The following CDH1 variants were observed in gnomAD, a reference collection of about 807,000 sequenced individuals.
CDH1 encodes the protein cadherin 1, also known as cadherin-1.
A neutral mutation model predicts 84.5 loss-of-function variants in CDH1; 35 were observed. The observed-to-expected ratio is 0.41, with a 90% CI of 0.32 to 0.55. The LOEUF is 0.55. Among genes scored for constraint, CDH1 ranks in the 20% least tolerant of loss-of-function variants. The probability of loss-of-function intolerance (pLI) is 0.19; values close to 1 mark genes in which losing one functional copy is unlikely to be tolerated. For missense variants in CDH1, 994 were observed against 1,126.6 expected (o/e 0.88, Z 1.68); for synonymous variants, 417 against 439.0 (o/e 0.95, Z 0.63).
intron 12 of CDH1, chr16:68,823,170 C>G (rs1596965160): frequency 3.8e-6 from 2 of 520,268 alleles, no homozygotes; most frequent in East Asian, 6.9e-5. Context: ...CACTAGGCAG[C>G]TTTTTTAAAC....
rs762005138 is a variant in CDH1, at chr16:68,819,432, G to T, written c.1711+7G>T. ...ATCATAGCTACAGACAATGGTAAGGGGGCCTCATCTGAGCCTTTGCTGCCT... is the reference window on the plus strand; with the variant it reads ...ATCATAGCTACAGACAATGGTAAGGTGGCCTCATCTGAGCCTTTGCTGCCT... On this transcript the variant is annotated splice_region_variant and intron_variant, in intron 11 of 15. Transcript: ENST00000261769. The T allele has an allele frequency of 1.9e-6, 3 of 1,613,060 alleles. No homozygotes were observed. The Admixed American group carries it at 5.0e-5, about 27-fold the overall frequency.
chr16:68,754,755 G>C lies in CDH1; in HGVS notation c.163+16344G>C, dbSNP rs571675278. On this transcript the variant is annotated intron_variant, in intron 2 of 15. Coordinates refer to ENST00000261769, the MANE Select transcript of CDH1 (RefSeq NM_004360.5). ...TGAATTTGTGCTGAGCACCTGCCAA[G>C]CCCTCTGCTAGGCATTGGGGATGCA... is the stretch of plus-strand genomic sequence containing the variant. Among the ~76,000 whole-genome samples, 5 of 152,310 alleles carry C rather than the reference G, an allele frequency of 3.3e-5. No individual in the cohort carries two copies. The South Asian group carries it at 1.0e-3, about 32-fold the overall frequency.
intron 2 of CDH1, among the ~76,000 whole-genome samples, chr16:68,780,962 GT>G (rs986841021): frequency 6.6e-6 from 1 of 152,210 alleles, no homozygotes; most frequent in African/African-American, 2.4e-5. Context: ...CGGCTACTGT[GT>G]AGAGAAGACG....
At chr16:68,789,564 G>A (rs1960155537) in intron 2 of CDH1, among the ~76,000 whole-genome samples, 1 of 150,716 alleles carries the variant, frequency 6.6e-6, no homozygotes, top group Non-Finnish European at 1.5e-5. Context: ...AATCCACATA[G>A]CATATATTAC....
At chr16:68,754,116 CAA>C (rs34969874) in intron 2 of CDH1, among the ~76,000 whole-genome samples, 243 of 121,874 alleles carry the variant, frequency 2.0e-3, no homozygotes, top group East Asian at 1.8e-3. Flanking sequence ...GATTCTGTCT[CAA>C]AAAAAAAAAA....
At chr16:68,773,995 C>T (rs189351124) in intron 2 of CDH1, among the ~76,000 whole-genome samples, 3 of 152,330 alleles carry the variant, frequency 2.0e-5, no homozygotes, top group Admixed American at 2.0e-4. Context: ...TAGCTCACTG[C>T]AGCTCAACTT....
At position 68,823,579 on chromosome 16, in the gene CDH1, A is replaced by G. The variant is rs587781401; in HGVS notation, c.2117A>G (p.Gln706Arg). Residue 706 changes from glutamine to arginine, a missense_variant, in exon 13 of 16, where the codon CAA (glutamine) becomes CGA (arginine). By Grantham distance (43) the Gln-to-Arg change is conservative. Around this residue, in one of 3 missense-constraint regions of CDH1, gnomAD observed 769 missense variants for 881.8 expected, o/e 0.87. Coordinates refer to ENST00000261769, the MANE Select transcript of CDH1 (RefSeq NM_004360.5). ...RKAQPVEAGL[Q>R]IPAILGILGG... ...GCACAGCCTGTCGAAGCAGGATTGCAAATTCCTGCCATTCTGGGGATTCTT... is the reference window on the plus strand; with the variant it reads ...GCACAGCCTGTCGAAGCAGGATTGCGAATTCCTGCCATTCTGGGGATTCTT... 5.6e-6 allele frequency: 9 copies of G among 1,613,816 alleles called. No homozygotes were observed. Among genetic ancestry groups the G allele is most frequent in the Non-Finnish European group, 7.6e-6 (9 of 1,179,986 alleles).
At chr16:68,753,873 T>C (rs1962949716) in intron 2 of CDH1, among the ~76,000 whole-genome samples, 1 of 149,368 alleles carries the variant, frequency 6.7e-6, no homozygotes, top group African/African-American at 2.5e-5. Flanking sequence ...TCCCAGTACT[T>C]TGGGAGGCTG....
intron 2 of CDH1, among the ~76,000 whole-genome samples, chr16:68,760,668 G>A (rs1368074748): frequency 6.6e-6 from 1 of 152,170 alleles, no homozygotes; most frequent in East Asian, 1.9e-4. Flanking sequence ...AGTGCCTTCT[G>A]TGTGCTCTGT....
intron 3 of CDH1, among the ~76,000 whole-genome samples, chr16:68,802,298 T>C (rs1960538193): frequency 6.6e-6 from 1 of 152,208 alleles, no homozygotes; most frequent in Admixed American, 6.5e-5. Context: ...TTGGAGGAAT[T>C]ACGTCACCTG....
At chr16:68,776,627 T>G (rs1959740350) in intron 2 of CDH1, among the ~76,000 whole-genome samples, 1 of 152,170 alleles carries the variant, frequency 6.6e-6, no homozygotes, top group South Asian at 2.1e-4. Flanking sequence ...CCTTGGCTTT[T>G]TCAAAGTGCT....
In CDH1 at chr16:68,833,635, A is replaced by G. The variant is rs1362406574; in HGVS notation, c.*136A>G. 4.2e-6 allele frequency: 3 copies of G among 717,192 alleles called. No individual in the cohort carries two copies. Among genetic ancestry groups the G allele is most frequent in the African/African-American group, 1.8e-5 (1 of 57,114 alleles). The allele number at this position is 717,192 out of a possible 1,614,324, so 44.4% of individuals were successfully genotyped here. A position where few individuals can be genotyped will look rare whatever the true frequency, so the allele number is the denominator to read the frequency against. Reference sequence around the variant, plus strand: ...GAGACTGGTTAGTGATGCAGTTAGTATAGCTTTATACTCTCTCCACTTTAT... The same window carrying G: ...GAGACTGGTTAGTGATGCAGTTAGTGTAGCTTTATACTCTCTCCACTTTAT... On this transcript the variant is annotated 3_prime_UTR_variant, in exon 16 of 16. Transcript: ENST00000261769.
chr16:68,813,411 A>G lies in CDH1; in HGVS notation c.1236A>G (p.Val412=), dbSNP rs1198273516. The change falls in exon 9 of 16, where the codon GTA becomes GTG. Residue 412 remains valine, a synonymous_variant. Transcript: ENST00000261769. Reference sequence around the variant, plus strand: ...CCAATACCCCAGCGTGGGAGGCTGTATACACCATATTGAATGATGATGGTG... The same window carrying G: ...CCAATACCCCAGCGTGGGAGGCTGTGTACACCATATTGAATGATGATGGTG... ...DAPNTPAWEA[V]YTILNDDGGQ... is the part of the protein sequence containing the mutation. 6.2e-7 allele frequency: 1 copy of G among 1,614,168 alleles called. No individual in the cohort carries two copies. Among genetic ancestry groups the G allele is most frequent in the Non-Finnish European group, 8.5e-7 (1 of 1,180,006 alleles).
chr16:68,810,783 T>C (rs1477945346), intron 6 of CDH1, among the ~76,000 whole-genome samples: 3 of 151,910 alleles, frequency 2.0e-5, no homozygotes, highest in Non-Finnish European at 4.4e-5. Context: ...GGAGAATTGC[T>C]TGAACCCGGG....
intron 2 of CDH1, among the ~76,000 whole-genome samples, chr16:68,783,555 G>A (rs1959948554): frequency 6.6e-6 from 1 of 152,158 alleles, no homozygotes; most frequent in South Asian, 2.1e-4. Context: ...GTTTCCTTCT[G>A]AAGATATTCT....
intron 2 of CDH1, among the ~76,000 whole-genome samples, chr16:68,797,203 A>G (rs1308214078): frequency 6.6e-6 from 1 of 152,144 alleles, no homozygotes; most frequent in Non-Finnish European, 1.5e-5. Flanking sequence ...GCTTGGCATC[A>G]TAGCGAGACC....
intron 2 of CDH1, among the ~76,000 whole-genome samples, chr16:68,776,781 A>G (rs983140202): frequency 1.3e-5 from 2 of 152,240 alleles, no homozygotes. Context: ...AAAACAGCCC[A>G]TGCATGAAAT....
At chr16:68,745,627 G>GTA (rs1962718860) in intron 2 of CDH1, among the ~76,000 whole-genome samples, 1 of 27,404 alleles carries the variant, frequency 3.6e-5, no homozygotes, top group African/African-American at 9.5e-5. Flanking sequence ...ATATATATAT[G>GTA]TATATATATT....
chr16:68,823,237 CAA>C (rs146046879), intron 12 of CDH1, 160 bp from the exon 13 acceptor site: 48,489 of 480,506 alleles, frequency 0.1, no homozygotes, highest in South Asian at 0.11. Context: ...CTTTTTACAG[CAA>C]AAAAAAAAAA....
Sources: allele counts gnomAD v4.1 joint callset (sites outside exome capture counted in the v4.1 genomes callset), GRCh38; gene constraint gnomAD v4.1.1; regional missense constraint gnomAD v4.1.1; transcripts MANE v1.5; gene names NCBI Gene and HGNC (gene_info 2026-07-23, HGNC 2026-07-21).